Variants in CNTN4 observed in about 807,000 individuals in gnomAD.
The protein encoded by CNTN4 is contactin-4.
CNTN4 carries 77 observed loss-of-function variants against 122.5 expected under a neutral mutation model. The observed-to-expected ratio is 0.63, with a 90% confidence interval of 0.52 to 0.76. The LOEUF is 0.76. CNTN4 is among the 30% of genes least tolerant of loss of function. The pLI, the probability that CNTN4 is intolerant of heterozygous loss-of-function variation, is 0.00. For synonymous variants in CNTN4, 512 were observed against 447.0 expected, an observed-to-expected ratio of 1.15 and a Z score of -1.83; for missense variants, 1,256 against 1,259.1, an observed-to-expected ratio of 1.00 and a Z score of 0.04.
chr3:2,985,040 T>C (rs1425709819), intron 13 of CNTN4, among the ~76,000 whole-genome samples: 4 of 152,254 alleles, frequency 2.6e-5, no homozygotes, highest in Admixed American at 2.0e-4. Context: ...ACTGAGCAAC[T>C]GTTATATGCG....
At chr3:2,111,417 T>C (rs2032947127) in intron 2 of CNTN4, among the ~76,000 whole-genome samples, 2 of 152,206 alleles carry the variant, frequency 1.3e-5, no homozygotes, top group African/African-American at 4.8e-5. Flanking sequence ...AGGTTTCTTA[T>C]AATGTGGCTA....
chr3:2,342,971 G>A (rs2044263800), intron 3 of CNTN4, among the ~76,000 whole-genome samples: 1 of 152,202 alleles, frequency 6.6e-6, no homozygotes, highest in South Asian at 2.1e-4. Flanking sequence ...CTTTTTGGAG[G>A]TGATGAAAAT....
At chr3:2,576,053 T>C (rs533615369) in intron 4 of CNTN4, among the ~76,000 whole-genome samples, 2 of 152,188 alleles carry the variant, frequency 1.3e-5, no homozygotes, top group South Asian at 2.1e-4. Context: ...GCCAGGATGG[T>C]CTCGATCTCC....
chr3:2,525,379 G>A (rs896439739), intron 3 of CNTN4, among the ~76,000 whole-genome samples: 3 of 152,118 alleles, frequency 2.0e-5, no homozygotes, highest in Admixed American at 6.6e-5. Context: ...AAAAGGTATT[G>A]TGAACATAAC....
At chr3:2,313,971 CT>C (rs553855738) in intron 2 of CNTN4, among the ~76,000 whole-genome samples, 289 of 152,026 alleles carry the variant, frequency 1.9e-3, no homozygotes, top group African/African-American at 6.7e-3. Flanking sequence ...TGATTATGCC[CT>C]TATTTATACC....
At chr3:2,488,898 T>G (rs2076236541) in intron 3 of CNTN4, among the ~76,000 whole-genome samples, 1 of 152,196 alleles carries the variant, frequency 6.6e-6, no homozygotes. Flanking sequence ...AAATTGAATG[T>G]AGGCTCCATT....
At chr3:2,662,065 G>C (rs1470580312) in intron 4 of CNTN4, among the ~76,000 whole-genome samples, 8 of 152,264 alleles carry the variant, frequency 5.3e-5, no homozygotes, top group South Asian at 4.1e-4. Flanking sequence ...TATAGCTGAT[G>C]CTGGGTTATA....
chr3:2,967,868 T>C (rs1692491172), intron 13 of CNTN4, among the ~76,000 whole-genome samples: 1 of 150,414 alleles, frequency 6.6e-6, no homozygotes, highest in Non-Finnish European at 1.5e-5. Context: ...TTTTTTTTAA[T>C]GACAATGATT....
chr3:2,883,000 C>T, intron 8 of CNTN4, 145 bp from the exon 9 acceptor site: 1 of 646,882 alleles, frequency 1.5e-6, no homozygotes, highest in Non-Finnish European at 2.8e-6. Flanking sequence ...TTCATGACTG[C>T]TGGAGATAGG....
intron 3 of CNTN4, among the ~76,000 whole-genome samples, chr3:2,346,621 T>C (rs2044405806): frequency 1.3e-5 from 2 of 152,302 alleles, no homozygotes; most frequent in Non-Finnish European, 2.9e-5. Flanking sequence ...TAGTTAATGG[T>C]ATTTTCCCCT....
intron 4 of CNTN4, among the ~76,000 whole-genome samples, chr3:2,685,107 T>A (rs1394594755): frequency 2.0e-5 from 3 of 152,202 alleles, no homozygotes; most frequent in Non-Finnish European, 4.4e-5. Context: ...TTATCTGTCA[T>A]CTTTTCCTTG....
chr3:2,328,390 A>T (rs543677311), intron 2 of CNTN4, among the ~76,000 whole-genome samples: 3 of 151,786 alleles, frequency 2.0e-5, no homozygotes, highest in Non-Finnish European at 4.4e-5. Context: ...TGGGCGACAG[A>T]GCGAGACTCC....
intron 6 of CNTN4, among the ~76,000 whole-genome samples, chr3:2,804,044 GAT>G (rs59467735): frequency 0.72 from 105,403 of 145,758 alleles, 37,878 homozygotes; most frequent in African/African-American, 0.81. Context: ...ATTATTTAGG[GAT>G]ATATATATAT....
At chr3:2,631,792 GCCAA>G (rs1387943159) in intron 4 of CNTN4, among the ~76,000 whole-genome samples, 1 of 146,788 alleles carries the variant, frequency 6.8e-6, no homozygotes, top group Non-Finnish European at 1.5e-5. Context: ...GCTTCAGAAG[GCCAA>G]GATGGGAAAA....
At chr3:2,722,082 A>C (rs1413822494) in intron 4 of CNTN4, among the ~76,000 whole-genome samples, 1 of 152,196 alleles carries the variant, frequency 6.6e-6, no homozygotes, top group Non-Finnish European at 1.5e-5. Context: ...TTCTGTTGTT[A>C]TGAAGTTACC....
At chr3:2,408,518 T>C (rs2047116415) in intron 3 of CNTN4, among the ~76,000 whole-genome samples, 1 of 152,154 alleles carries the variant, frequency 6.6e-6, no homozygotes, top group Non-Finnish European at 1.5e-5. Context: ...ACAGTTGTGG[T>C]TTATGTAATA....
In CNTN4 at chr3:2,196,765, C is replaced by T. The variant is rs553788403; in HGVS notation, c.-145+96126C>T. On this transcript the variant is annotated intron_variant, in intron 2 of 24. Transcript: ENST00000418658. ...ATCCTATGAAAAAGAAATGCCTGGG[C>T]CGGGCACGGTGGCTCGCTCCTGTAA... 4.4e-4 allele frequency among the ~76,000 whole-genome samples: 67 copies of T among 152,116 alleles called. 1 individual carries two copies. In the East Asian group the frequency reaches 0.013, roughly 29 times the overall value.
At chr3:2,844,246 T>C (rs183812454) in intron 7 of CNTN4, among the ~76,000 whole-genome samples, 3 of 152,374 alleles carry the variant, frequency 2.0e-5, no homozygotes, top group Admixed American at 2.0e-4. Context: ...TTCACTGCTT[T>C]GTTCTTAATC....
chr3:2,896,406 G>A (rs1296604500), intron 10 of CNTN4, among the ~76,000 whole-genome samples: 4 of 152,110 alleles, frequency 2.6e-5, no homozygotes, highest in African/African-American at 4.8e-5. Context: ...GAGACTGATT[G>A]GTGTGTGGGG....
Sources: allele counts gnomAD v4.1 joint callset (sites outside exome capture counted in the v4.1 genomes callset), GRCh38; gene constraint gnomAD v4.1.1; transcripts MANE v1.5; gene names NCBI Gene and HGNC (gene_info 2026-07-23, HGNC 2026-07-21).